Variants in LRBA observed in about 807,000 individuals in gnomAD.
LRBA encodes LPS responsive beige-like anchor protein.
In LRBA, 176 loss-of-function variants were observed where a neutral mutation model predicts 330.0. That is an observed-to-expected ratio of 0.53 (90% CI 0.47 to 0.60). The LOEUF (loss-of-function observed/expected upper bound fraction) is 0.60. Ranked by LOEUF, LRBA falls within the 20% of genes least tolerant of loss-of-function variation. LRBA has a pLI of 0.00. For missense variants in LRBA, 3,259 were observed against 3,444.8 expected, an observed-to-expected ratio of 0.95 and a Z score of 1.35; for synonymous variants, 1,230 against 1,193.0, an observed-to-expected ratio of 1.03 and a Z score of -0.64.
At position 150,900,133 on chromosome 4, in the gene LRBA, C is replaced by T; in HGVS notation, c.1840G>A (p.Val614Met). The change falls in exon 14 of 57, where the codon GTG becomes ATG. Residue 614 changes from valine to methionine, a missense_variant. Transcript: ENST00000651943. ...TTCAGCGTGTGCATGATGAGAAGCA[C>T]TGTTCCAACTCTCCGAATGGTGTTA... ...IYNTIRRVGT[V>M]LLIMHTLKYY... 7 of 1,613,090 alleles carry T rather than the reference C, an allele frequency of 4.3e-6. No homozygotes were observed. Among genetic ancestry groups the T allele is most frequent in the Non-Finnish European group, 5.1e-6 (6 of 1,179,158 alleles).
At chr4:150,737,536 A>AAG (rs1319532653) in intron 35 of LRBA, among the ~76,000 whole-genome samples, 2 of 151,836 alleles carry the variant, frequency 1.3e-5, no homozygotes, top group Non-Finnish European at 2.9e-5. Flanking sequence ...AAGAAAAGAA[A>AAG]AGAAAGACGA....
intron 36 of LRBA, among the ~76,000 whole-genome samples, chr4:150,691,786 A>G (rs1011550193): frequency 6.6e-6 from 1 of 150,928 alleles, no homozygotes; most frequent in African/African-American, 2.5e-5. Context: ...AAAGTCAGAC[A>G]CTGAAAACAA....
chr4:150,885,531 G>A (rs1728857015), intron 17 of LRBA, among the ~76,000 whole-genome samples: 1 of 152,048 alleles, frequency 6.6e-6, no homozygotes, highest in Non-Finnish European at 1.5e-5. Flanking sequence ...TGAGGCACGA[G>A]AATCACCTGA....
chr4:150,324,835 T>C (rs965048677), intron 49 of LRBA, among the ~76,000 whole-genome samples: 8 of 152,176 alleles, frequency 5.3e-5, no homozygotes, highest in African/African-American at 1.4e-4. Flanking sequence ...TGAGGGACAA[T>C]TGAAAAACAA....
At chr4:150,558,195 G>A (rs950270720) in intron 40 of LRBA, among the ~76,000 whole-genome samples, 12 of 151,974 alleles carry the variant, frequency 7.9e-5, no homozygotes, top group African/African-American at 2.4e-4. Context: ...CACAGCGCCC[G>A]GCCCCATATT....
At chr4:150,892,890 C>A (rs1283939795) in intron 17 of LRBA, among the ~76,000 whole-genome samples, 162 bp downstream of exon 17, 1 of 151,918 alleles carries the variant, frequency 6.6e-6, no homozygotes, top group Non-Finnish European at 1.5e-5. Flanking sequence ...ATTAAAGATT[C>A]ATTGAAAAAA....
chr4:150,572,280 C>A (rs1337175756), intron 40 of LRBA, among the ~76,000 whole-genome samples: 1 of 152,030 alleles, frequency 6.6e-6, no homozygotes, highest in East Asian at 1.9e-4. Flanking sequence ...GTGCCATTTA[C>A]AAATGGTTTG....
intron 17 of LRBA, among the ~76,000 whole-genome samples, chr4:150,892,349 A>G (rs1175194113): frequency 6.6e-6 from 1 of 152,192 alleles, no homozygotes; most frequent in East Asian, 1.9e-4. Flanking sequence ...GGGAGCCTCT[A>G]AGGAAGTAAT....
chr4:150,415,593 A>T lies in LRBA; in HGVS notation c.7042-3T>A, dbSNP rs1747621200. 1 of 1,524,680 alleles carries T rather than the reference A, an allele frequency of 6.6e-7. No individual in the cohort carries two copies. The highest frequency in any genetic ancestry group is 9.1e-7 in the Non-Finnish European group (1 of 1,101,806). 94.4% of individuals were successfully genotyped at this position (1,524,680 alleles called of 1,614,324 possible). On this transcript the variant is annotated splice_region_variant and splice_polypyrimidine_tract_variant and intron_variant, in intron 46 of 56. Transcript: ENST00000651943. ...TAATAAAATTCAGGGATCAACTCCT[A>T]TATAAAAATAAAAGACAATGTGATA...
At chr4:150,814,772 G>C (rs1270927350) in intron 31 of LRBA, among the ~76,000 whole-genome samples, 4 of 152,076 alleles carry the variant, frequency 2.6e-5, no homozygotes, top group African/African-American at 7.2e-5. Flanking sequence ...GATACATTAT[G>C]AGCTGGATCA....
intron 41 of LRBA, among the ~76,000 whole-genome samples, chr4:150,489,527 AC>A (rs1328025440): frequency 2.8e-5 from 3 of 105,766 alleles, no homozygotes; most frequent in African/African-American, 1.2e-4. Flanking sequence ...ATATAAGAAT[AC>A]ATAATATATA....
intron 37 of LRBA, among the ~76,000 whole-genome samples, chr4:150,639,397 AG>A (rs1216880537): frequency 1.3e-5 from 2 of 149,984 alleles, no homozygotes; most frequent in Non-Finnish European, 3.0e-5. Context: ...AAGAAAAAAA[AG>A]AACACATAAG....
At position 150,942,931 on chromosome 4, in the gene LRBA, T is replaced by C. The variant is rs1735842070; in HGVS notation, c.217-13866A>G. ...AAAAATTTGTGAACTTTACTATCTA[T>C]ACAAAAATTAGTCAAAGTATATGTT... On this transcript the variant is annotated intron_variant, in intron 2 of 56. Transcript: ENST00000651943. Among the ~76,000 whole-genome samples the C allele has an allele frequency of 2.0e-5, 3 of 152,166 alleles. No homozygotes were observed. The South Asian group carries it at 6.2e-4, about 32-fold the overall frequency.
At chr4:151,005,425 A>G (rs906618540) in intron 2 of LRBA, among the ~76,000 whole-genome samples, 1 of 135,116 alleles carries the variant, frequency 7.4e-6, no homozygotes, top group African/African-American at 2.8e-5. Flanking sequence ...ACAACAGTAC[A>G]AGACTCCAAC....
chr4:150,449,335 G>A (rs868107741), intron 44 of LRBA, among the ~76,000 whole-genome samples: 2 of 151,988 alleles, frequency 1.3e-5, no homozygotes, highest in South Asian at 4.2e-4. Flanking sequence ...CTGGGAGAAG[G>A]ATAGGAAATT....
rs937105122 is a variant in LRBA, at chr4:150,896,632, G to A, written c.2005-176C>T. 2.0e-5 allele frequency among the ~76,000 whole-genome samples: 3 copies of A among 151,982 alleles called. No individual in the cohort carries two copies. The East Asian group carries it at 5.8e-4, about 29-fold the overall frequency. On this transcript the variant is annotated intron_variant, in intron 15 of 56. Transcript: ENST00000651943. ...AAGCACTAAAGACATCAGTACTCCA[G>A]AACATGTAGAGGTCAATTAACATCA...
chr4:150,709,742 A>G (rs987122522), intron 36 of LRBA, among the ~76,000 whole-genome samples: 41 of 152,028 alleles, frequency 2.7e-4, no homozygotes, highest in Non-Finnish European at 5.9e-5. Context: ...AATAAAATAT[A>G]TAATTACAAA....
chr4:150,805,875 T>C (rs1742717816), intron 33 of LRBA, among the ~76,000 whole-genome samples: 1 of 152,188 alleles, frequency 6.6e-6, no homozygotes, highest in South Asian at 2.1e-4. Flanking sequence ...CTGTTATCTC[T>C]ATTTGTAAAA....
chr4:150,867,239 C>G (rs1752833232), intron 22 of LRBA, among the ~76,000 whole-genome samples: 1 of 151,690 alleles, frequency 6.6e-6, no homozygotes. Context: ...GCTAAAACAA[C>G]TGTTCATCTT....
Sources: allele counts gnomAD v4.1 joint callset (sites outside exome capture counted in the v4.1 genomes callset), GRCh38; gene constraint gnomAD v4.1.1; transcripts MANE v1.5; gene names NCBI Gene and HGNC (gene_info 2026-07-23, HGNC 2026-07-21).